CFAP61: variants seen among roughly 807,000 people sequenced by gnomAD.
The protein encoded by CFAP61 is cilia- and flagella-associated protein 61.
Under a neutral mutation model 135.6 loss-of-function variants are expected in CFAP61, and 107 were observed. The ratio of observed to expected loss-of-function variants is 0.79; its 90% confidence interval spans 0.67 to 0.93. CFAP61 has a LOEUF of 0.93. Among genes scored for constraint, CFAP61 ranks in the 40% least tolerant of loss-of-function variants. The pLI is 0.00. For synonymous variants in CFAP61, 575 were observed against 578.5 expected (o/e 0.99, Z 0.09); for missense variants, 1,507 against 1,556.2 (o/e 0.97, Z 0.53).
At chr20:20,279,638 C>T (rs1269619483) in intron 22 of CFAP61, among the ~76,000 whole-genome samples, 3 of 152,164 alleles carry the variant, frequency 2.0e-5, no homozygotes, top group Non-Finnish European at 4.4e-5. Context: ...AAGTGACACA[C>T]AGTTCAAATC....
chr20:20,168,806 T>A (rs189024686), intron 12 of CFAP61, among the ~76,000 whole-genome samples: 2 of 152,324 alleles, frequency 1.3e-5, no homozygotes, highest in East Asian at 3.9e-4. Flanking sequence ...CTCATGGATC[T>A]GTTCACCCAA....
chr20:20,145,487 G>A (rs2051802862), intron 9 of CFAP61, among the ~76,000 whole-genome samples: 1 of 151,864 alleles, frequency 6.6e-6, no homozygotes, highest in Non-Finnish European at 1.5e-5. Context: ...AGACTAGATG[G>A]GACAAATTAC....
chr20:20,143,683 T>A (rs1193065255), intron 9 of CFAP61, among the ~76,000 whole-genome samples: 1 of 152,114 alleles, frequency 6.6e-6, no homozygotes, highest in African/African-American at 2.4e-5. Flanking sequence ...TTGACAGACC[T>A]TCTAGGTCAC....
At chr20:20,260,942 A>G (rs1384548756) in intron 20 of CFAP61, among the ~76,000 whole-genome samples, 1 of 152,226 alleles carries the variant, frequency 6.6e-6, no homozygotes, top group Non-Finnish European at 1.5e-5. Context: ...ACTTTTCGCC[A>G]AAGCCTTCAG....
chr20:20,169,177 C>A, intron 12 of CFAP61, 144 bp from the exon 13 acceptor site: 1 of 720,872 alleles, frequency 1.4e-6, no homozygotes, highest in Non-Finnish European at 2.1e-6. Context: ...TGATTATTTT[C>A]CAAATTATAG....
At chr20:20,174,021 G>T (rs1357799881) in intron 13 of CFAP61, among the ~76,000 whole-genome samples, 1 of 152,136 alleles carries the variant, frequency 6.6e-6, no homozygotes, top group Non-Finnish European at 1.5e-5. Flanking sequence ...ACACTTGTCT[G>T]GGAATTAGTT....
At chr20:20,113,158 G>A (rs918191868) in intron 8 of CFAP61, among the ~76,000 whole-genome samples, 1 of 152,148 alleles carries the variant, frequency 6.6e-6, no homozygotes, top group Non-Finnish European at 1.5e-5. Context: ...TCAAACTTAT[G>A]TATAGTGTGG....
At chr20:20,205,706 G>A (rs1181024984) in intron 17 of CFAP61, among the ~76,000 whole-genome samples, 1 of 152,236 alleles carries the variant, frequency 6.6e-6, no homozygotes, top group Non-Finnish European at 1.5e-5. Flanking sequence ...GAACAGACAT[G>A]GGTCCAGGTT....
chr20:20,347,890 G>T (rs1326245136), intron 26 of CFAP61, among the ~76,000 whole-genome samples: 1 of 139,404 alleles, frequency 7.2e-6, no homozygotes, highest in Non-Finnish European at 1.5e-5. Flanking sequence ...CCGAGATCAT[G>T]CCATTGCACT....
chr20:20,083,318 A>G (rs2046561293), intron 6 of CFAP61, among the ~76,000 whole-genome samples: 2 of 151,384 alleles, frequency 1.3e-5, no homozygotes, highest in South Asian at 4.2e-4. Context: ...ACAGAGTGAC[A>G]TAGTGGACCG....
chr20:20,251,510 G>A, intron 19 of CFAP61, 85 bp from the exon 20 acceptor site: 1 of 1,319,828 alleles, frequency 7.6e-7, no homozygotes, highest in Non-Finnish European at 1.1e-6. Context: ...AGCCCACTAG[G>A]GGACTTGAAC....
intron 20 of CFAP61, among the ~76,000 whole-genome samples, chr20:20,261,458 G>A (rs1442865589): frequency 6.6e-6 from 1 of 152,168 alleles, no homozygotes; most frequent in African/African-American, 2.4e-5. Flanking sequence ...CCTGAGTGCA[G>A]CAAGCCAGTG....
At chr20:20,179,727 G>A (rs2054907094) in intron 13 of CFAP61, among the ~76,000 whole-genome samples, 1 of 152,114 alleles carries the variant, frequency 6.6e-6, no homozygotes. Flanking sequence ...AAATAAGCCT[G>A]TACACCTACA....
chr20:20,227,945 C>T (rs1237401434), intron 17 of CFAP61, among the ~76,000 whole-genome samples: 1 of 152,178 alleles, frequency 6.6e-6, no homozygotes, highest in Non-Finnish European at 1.5e-5. Flanking sequence ...GTGTTACTTA[C>T]TAGTTGTCTC....
chr20:20,273,784 G>A (rs369921982), intron 21 of CFAP61, among the ~76,000 whole-genome samples: 9 of 152,194 alleles, frequency 5.9e-5, no homozygotes, highest in African/African-American at 1.9e-4. Flanking sequence ...CATGGTGAGT[G>A]CTGGGAAGGA....
chr20:20,080,275 T>C (rs1431895161), intron 6 of CFAP61, among the ~76,000 whole-genome samples: 2 of 152,172 alleles, frequency 1.3e-5, no homozygotes, highest in Non-Finnish European at 2.9e-5. Flanking sequence ...ATATGTTCTG[T>C]TAATTATATT....
intron 6 of CFAP61, among the ~76,000 whole-genome samples, chr20:20,077,179 T>C (rs1383465946): frequency 6.6e-6 from 1 of 152,134 alleles, no homozygotes; most frequent in African/African-American, 2.4e-5. Flanking sequence ...CATCCACCAG[T>C]TAATGTTGTT....
At chr20:20,184,873 G>A (rs1444376155) in intron 13 of CFAP61, among the ~76,000 whole-genome samples, 1 of 152,194 alleles carries the variant, frequency 6.6e-6, no homozygotes, top group Admixed American at 6.5e-5. Flanking sequence ...CCTCTGATGA[G>A]GGACTATGTC....
intron 8 of CFAP61, among the ~76,000 whole-genome samples, chr20:20,109,477 T>C (rs1022920578): frequency 6.6e-6 from 1 of 152,182 alleles, no homozygotes; most frequent in Non-Finnish European, 1.5e-5. Context: ...AGTCCTTCTA[T>C]GCTTGAGCTG....
Sources: allele counts gnomAD v4.1 joint callset (sites outside exome capture counted in the v4.1 genomes callset), GRCh38; gene constraint gnomAD v4.1.1; transcripts MANE v1.5; gene names NCBI Gene and HGNC (gene_info 2026-07-23, HGNC 2026-07-21).